The following FRRS1 variants were observed in gnomAD, a reference collection of about 807,000 sequenced individuals.
FRRS1 encodes the protein ferric chelate reductase 1, also known as ferric reductase 1.
Under a neutral mutation model 70.7 loss-of-function variants are expected in FRRS1, and 51 were observed. That is an observed-to-expected ratio of 0.72 (90% CI 0.58 to 0.91). The LOEUF (loss-of-function observed/expected upper bound fraction) is 0.91. Among genes scored for constraint, FRRS1 ranks in the 40% least tolerant of loss-of-function variants. The pLI, the probability that FRRS1 is intolerant of heterozygous loss-of-function variation, is 0.00. For synonymous variants in FRRS1, 225 were observed against 238.7 expected (o/e 0.94, Z 0.53); for missense variants, 672 against 726.0 (o/e 0.93, Z 0.86).
chr1:99,733,833 T>C (rs1164286803), intron 7 of FRRS1, among the ~76,000 whole-genome samples: 1 of 152,198 alleles, frequency 6.6e-6, no homozygotes, highest in Non-Finnish European at 1.5e-5. Context: ...GGGGAACAGA[T>C]TATTCATACA....
chr1:99,747,308 A>G lies in FRRS1; in HGVS notation c.319T>C (p.Cys107Arg), dbSNP rs1181670330. ...TAAACACAAACCTGTATATCTTCAC[A>G]GGTCAAAAGTTGTGACACTTCACTG... ...IDSEVSQLLTCEDIQGSAVSH... is the reference protein window; with the variant it reads ...IDSEVSQLLTREDIQGSAVSH... The change falls in exon 4 of 17, where the codon TGT becomes CGT. Residue 107 changes from cysteine (C) to arginine (R), a missense_variant. By Grantham distance (180) the Cys-to-Arg change is radical (BLOSUM62 -3). Transcript: ENST00000646001. 1 of 1,613,030 alleles carries G rather than the reference A, an allele frequency of 6.2e-7. No homozygotes were observed. Among genetic ancestry groups the G allele is most frequent in the African/African-American group, 1.3e-5 (1 of 74,864 alleles).
intron 7 of FRRS1, among the ~76,000 whole-genome samples, chr1:99,737,523 G>T (rs1045771267): frequency 1.3e-5 from 2 of 152,182 alleles, no homozygotes; most frequent in African/African-American, 4.8e-5. Context: ...ATCGCAAAGA[G>T]ACAGACAGAC....
intron 9 of FRRS1, among the ~76,000 whole-genome samples, chr1:99,724,758 T>G (rs1182061522): frequency 1.3e-5 from 2 of 151,996 alleles, no homozygotes; most frequent in Admixed American, 1.3e-4. Flanking sequence ...TTTATTGGAG[T>G]GTTTTGTTTT....
intron 7 of FRRS1, among the ~76,000 whole-genome samples, chr1:99,736,856 T>C (rs2100956681): frequency 6.6e-6 from 1 of 151,342 alleles, no homozygotes; most frequent in Admixed American, 6.6e-5. Flanking sequence ...GAAAGTTAGT[T>C]ACATCCAGCG....
chr1:99,741,022 A>G (rs1211187621), intron 5 of FRRS1, 82 bp from the exon 6 acceptor site: 1 of 1,274,096 alleles, frequency 7.8e-7, no homozygotes, highest in Non-Finnish European at 1.1e-6. Flanking sequence ...AAAAAAAAAG[A>G]AAGACTAAAC....
chr1:99,740,725 A>G (rs951210799), intron 6 of FRRS1, 68 bp downstream of exon 6: 3 of 1,061,944 alleles, frequency 2.8e-6, no homozygotes, highest in Non-Finnish European at 4.4e-6. Context: ...TGAGCTCAGG[A>G]GTTCGAGACC....
rs1259864000 is a variant in FRRS1 at position 99,748,727 on chromosome 1, C to T, written c.42G>A (p.Leu14=). The change falls in exon 3 of 17, where the codon CTG becomes CTA. Residue 14 remains leucine, a synonymous_variant. Transcript: ENST00000646001. The part of the protein sequence containing the change: ...SGFTLGTCIL[L]LHISYVANYP... ...AATTAGCCACATAACTAATGTGCAA[C>T]AGAAGTATGCAGGTACCAAGAGTAA... 1 of 1,614,024 alleles carries T rather than the reference C, an allele frequency of 6.2e-7. No homozygotes were observed. The highest frequency in any genetic ancestry group is 1.7e-5 in the Admixed American group (1 of 60,016).
chr1:99,733,692 A>G (rs1655509808), intron 7 of FRRS1, among the ~76,000 whole-genome samples: 1 of 152,236 alleles, frequency 6.6e-6, no homozygotes, highest in Non-Finnish European at 1.5e-5. Context: ...TGCAGAGGAA[A>G]GAAAACTCGT....
chr1:99,748,669 C>T lies in FRRS1; in HGVS notation c.100G>A (p.Gly34Arg), dbSNP rs932434241. ...PNGKVTQSCH[G>R]MIPEHGHSPQ... ...CTATGACCATGTTCAGGAATCATTC[C>T]ATGGCATGACTGTGTTACTTTTCCA... is the stretch of plus-strand genomic sequence containing the variant. Residue 34 changes from glycine to arginine, a missense_variant, in exon 3 of 17, where the codon GGA becomes AGA. Transcript: ENST00000646001. 1.2e-6 allele frequency: 2 copies of T among 1,613,926 alleles called. No homozygotes were observed. The highest frequency in any genetic ancestry group is 1.7e-6 in the Non-Finnish European group (2 of 1,179,804).
At chr1:99,738,320 A>G in intron 6 of FRRS1, 52 bp from the exon 7 acceptor site, 1 of 1,386,208 alleles carries the variant, frequency 7.2e-7, no homozygotes, top group Non-Finnish European at 9.9e-7. Context: ...CAAGCAGTTC[A>G]TTGGCAATGA....
chr1:99,726,733 G>C (rs1423819022), intron 9 of FRRS1, among the ~76,000 whole-genome samples: 3 of 152,092 alleles, frequency 2.0e-5, no homozygotes, highest in African/African-American at 7.2e-5. Context: ...TTGAGACAGG[G>C]TCTCCCTTAG....
intron 9 of FRRS1, among the ~76,000 whole-genome samples, chr1:99,722,697 A>G (rs1216086717): frequency 1.3e-5 from 2 of 152,238 alleles, no homozygotes; most frequent in Non-Finnish European, 2.9e-5. Context: ...TATTTCCTCA[A>G]CACCATAAAG....
chr1:99,744,164 T>C lies in FRRS1; in HGVS notation c.334-1891A>G, dbSNP rs75403893. Among the ~76,000 whole-genome samples the C allele has an allele frequency of 1.9e-4, 29 of 152,228 alleles. No homozygotes were observed. The East Asian group carries it at 4.6e-3, about 24-fold the overall frequency. On this transcript the variant is annotated intron_variant, in intron 4 of 16. Coordinates refer to ENST00000646001, the MANE Select transcript of FRRS1 (RefSeq NM_001361041.2). ...ACCTCACATTTTTTGTGAAAGACCT[T>C]TTCATCTCATATCGGAAATGCAGCT...
rs183523567 is a variant in FRRS1, at chr1:99,719,913, C to G, written c.1007-266G>C. Among the ~76,000 whole-genome samples the G allele has an allele frequency of 2.6e-5, 4 of 152,160 alleles. No individual in the cohort carries two copies. The East Asian group carries it at 7.7e-4, about 29-fold the overall frequency. On this transcript the variant is annotated intron_variant, in intron 9 of 16. Transcript: ENST00000646001. ...GAATGGAGAATGTATAGTAAAAGAA[C>G]TGGTGGTATAAAGAGACAAGTTAAA...
At chr1:99,721,467 T>C (rs28426987) in intron 9 of FRRS1, among the ~76,000 whole-genome samples, 2 of 151,342 alleles carry the variant, frequency 1.3e-5, no homozygotes, top group East Asian at 1.9e-4. Flanking sequence ...AAACACTGTA[T>C]ACAACTTTAA....
At chr1:99,744,208 T>G (rs1277476505) in intron 4 of FRRS1, among the ~76,000 whole-genome samples, 1 of 152,168 alleles carries the variant, frequency 6.6e-6, no homozygotes, top group East Asian at 1.9e-4. Flanking sequence ...GGTGTAAGAA[T>G]TGCTGTAAGA....
Position 99,749,621 on chromosome 1 carries a change from C to A in FRRS1, c.-105-620G>T, listed in dbSNP as rs374402899. 1.8e-4 allele frequency among the ~76,000 whole-genome samples: 27 copies of A among 152,268 alleles called. No homozygotes were observed. In the South Asian group the frequency reaches 3.9e-3, roughly 22 times the overall value. ...ACTGAAAACTGAGGATAACAGAGAA[C>A]CAATTGGTAGAGATAATAATTCTAC... On this transcript the variant is annotated intron_variant, in intron 1 of 16. Coordinates refer to ENST00000646001, the MANE Select transcript of FRRS1 (RefSeq NM_001361041.2).
chr1:99,718,680 T>C (rs1654656438), intron 10 of FRRS1, among the ~76,000 whole-genome samples: 1 of 152,196 alleles, frequency 6.6e-6, no homozygotes, highest in Non-Finnish European at 1.5e-5. Flanking sequence ...ATTCCTCATT[T>C]AGGTATTATA....
intron 7 of FRRS1, among the ~76,000 whole-genome samples, chr1:99,731,861 T>C (rs553307040): frequency 2.5e-4 from 38 of 152,332 alleles, no homozygotes; most frequent in African/African-American, 8.7e-4. Flanking sequence ...AGATGGATTC[T>C]CGCCCTGTTG....
Sources: gnomAD v4.1 joint callset for allele counts (sites outside exome capture counted in the v4.1 genomes callset) on GRCh38, gnomAD v4.1.1 for gene constraint, MANE v1.5 for transcripts, NCBI Gene and HGNC (gene_info 2026-07-23, HGNC 2026-07-21) for gene names.